MDGA1: variants seen among roughly 807,000 people sequenced by gnomAD.
MDGA1 encodes MAM domain containing glycosylphosphatidylinositol anchor 1.
MDGA1 carries 54 observed loss-of-function variants against 101.5 expected under a neutral mutation model. The observed-to-expected ratio is 0.53, with a 90% confidence interval of 0.43 to 0.67. The LOEUF is 0.67. Among genes scored for constraint, MDGA1 ranks in the 30% least tolerant of loss-of-function variants. The pLI, the probability that MDGA1 is intolerant of heterozygous loss-of-function variation, is 0.00. For missense variants in MDGA1, 1,083 were observed against 1,323.8 expected (o/e 0.82, Z 2.82); for synonymous variants, 533 against 558.3 (o/e 0.95, Z 0.64).
intron 2 of MDGA1, among the ~76,000 whole-genome samples, chr6:37,660,241 C>T (rs1431595189): frequency 6.6e-6 from 1 of 151,564 alleles, no homozygotes; most frequent in Non-Finnish European, 1.5e-5. Context: ...TTCTTGAACA[C>T]CTGGCCTGAA....
At chr6:37,646,721 T>TC (rs1472926756) in intron 10 of MDGA1, among the ~76,000 whole-genome samples, 1 of 152,028 alleles carries the variant, frequency 6.6e-6, no homozygotes, top group African/African-American at 2.4e-5. Context: ...ACTCTTACCC[T>TC]CCCACCAATC....
chr6:37,637,386 G>A lies in MDGA1; in HGVS notation c.2850C>T (p.Leu950=), dbSNP rs779933155. ...PQLWGPMAIF[L]LALQR The stretch of plus-strand genomic sequence containing the variant: ...GCTCTCATCATCTCTGCAACGCCAA[G>A]AGGAAGATGGCCATGGGCCCCCACA... The change falls in exon 17 of 17, where the codon CTC becomes CTT. Residue 950 remains leucine, a synonymous_variant. Coordinates refer to ENST00000434837, the MANE Select transcript of MDGA1 (RefSeq NM_153487.4). The A allele has an allele frequency of 6.2e-7, 1 of 1,613,676 alleles. No individual in the cohort carries two copies. The highest frequency in any genetic ancestry group is 1.3e-5 in the African/African-American group (1 of 75,074).
chr6:37,663,875 G>A, intron 2 of MDGA1, 92 bp downstream of exon 2: 1 of 1,419,006 alleles, frequency 7.0e-7, no homozygotes, highest in Non-Finnish European at 9.7e-7. Context: ...GGTGCATCGT[G>A]AGTCCTCATC....
chr6:37,635,467 A>C lies in MDGA1; in HGVS notation c.*1901T>G, dbSNP rs1763907251. ...CTGAGAACCTGGAGCGACTCATTTC[A>C]GACAGAGGCCTTGACTGGGTCAGGA... On this transcript the variant is annotated 3_prime_UTR_variant, in exon 17 of 17. Transcript: ENST00000434837. The C allele has an allele frequency of 2.5e-6, 1 of 398,746 alleles. No homozygotes were observed. The highest frequency in any genetic ancestry group is 3.6e-5 in the East Asian group (1 of 28,080). The allele number at this position is 398,746 out of a possible 1,614,324, so 24.7% of individuals were successfully genotyped here. A position where few individuals can be genotyped will look rare whatever the true frequency, so the allele number is the denominator to read the frequency against.
intron 1 of MDGA1, among the ~76,000 whole-genome samples, chr6:37,690,365 A>C (rs950640806): frequency 3.9e-5 from 6 of 152,270 alleles, no homozygotes; most frequent in African/African-American, 9.6e-5. Context: ...TTCTGGGTTC[A>C]AGTCCAGGTC....
At chr6:37,649,366 C>G in intron 8 of MDGA1, 100 bp from the exon 9 acceptor site, 1 of 1,387,806 alleles carries the variant, frequency 7.2e-7, no homozygotes, top group East Asian at 2.9e-5. Flanking sequence ...ATGCCGTGAG[C>G]CCCCGCCAGG....
chr6:37,695,235 G>A (rs1287847290), intron 1 of MDGA1, among the ~76,000 whole-genome samples: 2 of 152,128 alleles, frequency 1.3e-5, no homozygotes, highest in Non-Finnish European at 2.9e-5. Flanking sequence ...GACCTCAGCA[G>A]CACCTCTCTT....
chr6:37,665,296 G>T (rs6903441), intron 1 of MDGA1, among the ~76,000 whole-genome samples: 32 of 151,926 alleles, frequency 2.1e-4, no homozygotes, highest in Admixed American at 2.0e-3. Flanking sequence ...AAGGTAGAAG[G>T]CCTGATACTG....
chr6:37,650,101 G>A lies in MDGA1; in HGVS notation c.1609+8C>T. On this transcript the variant is annotated splice_region_variant and intron_variant, in intron 8 of 16. Coordinates refer to ENST00000434837, the MANE Select transcript of MDGA1 (RefSeq NM_153487.4). ...GGGAAGGTAGTCCGGGTGGCGTGGT[G>A]GACTCACACTGCACGTTCAGCTGCA... 1.9e-6 allele frequency: 3 copies of A among 1,610,250 alleles called. No individual in the cohort carries two copies. The highest frequency in any genetic ancestry group is 1.7e-6 in the Non-Finnish European group (2 of 1,177,294).
rs143647615 is a variant in MDGA1, at chr6:37,665,105, C to T, written c.68-999G>A. On this transcript the variant is annotated intron_variant, in intron 1 of 16. Coordinates refer to ENST00000434837, the MANE Select transcript of MDGA1 (RefSeq NM_153487.4). ...CCAGGCTAGGGGACCAAAGCTAGGC[C>T]CTGGCTGGATGGGCCCAGTGGGAAA... Among the ~76,000 whole-genome samples, 8 of 152,230 alleles carry T rather than the reference C, an allele frequency of 5.3e-5. No individual in the cohort carries two copies. In the East Asian group the frequency reaches 1.4e-3, roughly 26 times the overall value.
rs1285769956 is a variant in MDGA1 at position 37,696,365 on chromosome 6, G to T, written c.67+380C>A. Reference sequence around the variant, plus strand: ...GCGCGGCAACTCCGGCTCATGCATCGCTTGGCTTCCACTCCGGAGGCCGAG... The same window carrying T: ...GCGCGGCAACTCCGGCTCATGCATCTCTTGGCTTCCACTCCGGAGGCCGAG... On this transcript the variant is annotated intron_variant, in intron 1 of 16. Transcript: ENST00000434837. The surrounding 1 kb of genome is among the most constrained non-coding windows in gnomAD (Gnocchi z 5.6). 6.6e-6 allele frequency among the ~76,000 whole-genome samples: 1 copy of T among 152,148 alleles called. No individual in the cohort carries two copies. The highest frequency in any genetic ancestry group is 2.4e-5 in the African/African-American group (1 of 41,438).
chr6:37,668,200 A>G (rs781295564), intron 1 of MDGA1, among the ~76,000 whole-genome samples: 2 of 150,988 alleles, frequency 1.3e-5, no homozygotes, highest in Non-Finnish European at 2.9e-5. Flanking sequence ...GCAATGAGCT[A>G]TGATCATGCC....
rs908991552 is a variant in MDGA1, at chr6:37,649,160, C to G, written c.1716G>C (p.Ser572=). The change falls in exon 9 of 17, where the codon TCG becomes TCC. Residue 572 remains serine (S), a synonymous_variant. Coordinates refer to ENST00000434837, the MANE Select transcript of MDGA1 (RefSeq NM_153487.4). ...LLRGSPQRIA[S]AVWRFKGQLL... is the part of the protein sequence containing the mutation. ...GCTGCCCTTTGAAACGCCACACAGC[C>G]GAGGCGATGCGCTGGGGGCTGCCTC... 4.7e-6 allele frequency: 7 copies of G among 1,502,690 alleles called. No homozygotes were observed. The East Asian group carries it at 1.0e-4, about 22-fold the overall frequency. The allele number at this position is 1,502,690 out of a possible 1,614,324, so 93.1% of individuals were successfully genotyped here. A position where few individuals can be genotyped will look rare whatever the true frequency, so the allele number is the denominator to read the frequency against.
At chr6:37,678,016 T>C (rs1762017985) in intron 1 of MDGA1, among the ~76,000 whole-genome samples, 1 of 152,192 alleles carries the variant, frequency 6.6e-6, no homozygotes, top group South Asian at 2.1e-4. Flanking sequence ...CCTTGGCTTC[T>C]ACCCAGGAGA....
At chr6:37,662,723 G>A (rs1000905040) in intron 2 of MDGA1, among the ~76,000 whole-genome samples, 23 of 151,988 alleles carry the variant, frequency 1.5e-4, no homozygotes, top group African/African-American at 5.1e-4. Context: ...AAGGGTTTGC[G>A]CCTGGGTGGT....
intron 1 of MDGA1, among the ~76,000 whole-genome samples, chr6:37,676,661 G>GT (rs1761985318): frequency 1.0e-5 from 1 of 100,424 alleles, no homozygotes; most frequent in South Asian, 3.2e-4. Context: ...CACTTTGGGA[G>GT]GCAAGGCTGG....
chr6:37,660,502 T>G (rs1761598380), intron 2 of MDGA1, among the ~76,000 whole-genome samples: 1 of 152,084 alleles, frequency 6.6e-6, no homozygotes, highest in South Asian at 2.1e-4. Context: ...TATTATCCAA[T>G]TCACTAATTT....
chr6:37,632,952 T>G lies in MDGA1; in HGVS notation c.*4416A>C, dbSNP rs532186598. 6.6e-6 allele frequency: 1 copy of G among 152,638 alleles called. No homozygotes were observed. Among genetic ancestry groups the G allele is most frequent in the East Asian group, 1.9e-4 (1 of 5,166 alleles). The allele number at this position is 152,638 out of a possible 1,614,324, so 9.5% of individuals were successfully genotyped here. On this transcript the variant is annotated 3_prime_UTR_variant, in exon 17 of 17. Coordinates refer to ENST00000434837, the MANE Select transcript of MDGA1 (RefSeq NM_153487.4). ...CAGAGTTGGGCTGAGATGGTGATTA[T>G]GTGGGTGGCTGGGAGGATGGCGGGA...
intron 16 of MDGA1, chr6:37,637,950 G>C: frequency 3.5e-6 from 2 of 570,206 alleles, no homozygotes; most frequent in Non-Finnish European, 6.2e-6. Context: ...CACAGGCACA[G>C]GAGGCGCTCT....
Sources: allele counts gnomAD v4.1 joint callset (sites outside exome capture counted in the v4.1 genomes callset), GRCh38; gene constraint gnomAD v4.1.1; non-coding constraint Gnocchi (gnomAD v3.1); transcripts MANE v1.5; gene names NCBI Gene and HGNC (gene_info 2026-07-23, HGNC 2026-07-21).